The following SLCO1B1 variants were observed in gnomAD, a reference collection of about 807,000 sequenced individuals.
SLCO1B1 encodes OATP-2.
SLCO1B1 carries 81 observed loss-of-function variants against 70.1 expected under a neutral mutation model. The ratio of observed to expected loss-of-function variants is 1.16; its 90% CI spans 0.97 to 1.39. The LOEUF (loss-of-function observed/expected upper bound fraction) is 1.39, where lower values mean the gene tolerates loss of function less well. SLCO1B1 is among the 40% of genes most tolerant of loss of function. SLCO1B1 has a pLI of 0.00. For synonymous variants in SLCO1B1, 283 were observed against 271.5 expected (o/e 1.04, Z -0.42); for missense variants, 895 against 799.6 (o/e 1.12, Z -1.44).
chr12:21,151,638 T>C (rs369640523), intron 2 of SLCO1B1, among the ~76,000 whole-genome samples: 2 of 152,182 alleles, frequency 1.3e-5, no homozygotes, highest in African/African-American at 4.8e-5. Flanking sequence ...GTTTCTGATT[T>C]ATATTATTTT....
chr12:21,197,265 A>C, intron 8 of SLCO1B1, 77 bp downstream of exon 8: 1 of 1,528,362 alleles, frequency 6.5e-7, no homozygotes. Context: ...CCAAAATAAT[A>C]AAGCATACCC....
At chr12:21,179,809 A>G (rs1193947232) in intron 7 of SLCO1B1, among the ~76,000 whole-genome samples, 1 of 151,984 alleles carries the variant, frequency 6.6e-6, no homozygotes, top group Non-Finnish European at 1.5e-5. Flanking sequence ...TCTTTTATTC[A>G]GCAAACACAC....
chr12:21,145,473 ATTTTTTT>A (rs35334634), intron 2 of SLCO1B1, among the ~76,000 whole-genome samples: 2 of 76,102 alleles, frequency 2.6e-5, no homozygotes, highest in Non-Finnish European at 4.5e-5. Flanking sequence ...CATTTTTTTC[ATTTTTTT>A]TTTTTTTTTT....
rs35334634 is a variant in SLCO1B1 at position 21,145,473 on chromosome 12, A to ATTTTTT, written c.84+3836_84+3841dup. Among the ~76,000 whole-genome samples the ATTTTTT allele has an allele frequency of 7.4e-4, 56 of 76,088 alleles. 6 individuals are homozygous for ATTTTTT. The highest frequency in any genetic ancestry group is 9.8e-4 in the Non-Finnish European group (44 of 44,760). 49.9% of individuals were successfully genotyped at this position (76,088 alleles called of 152,430 possible). A position where few individuals can be genotyped will look rare whatever the true frequency, so the allele number is the denominator to read the frequency against. On this transcript the variant is annotated intron_variant, in intron 2 of 14. Coordinates refer to ENST00000256958, the MANE Select transcript of SLCO1B1 (RefSeq NM_006446.5). ...TGCCACTTCACCCAGCATTTTTTTC[A>ATTTTTT]TTTTTTTTTTTTTTTTTTTTTTTTT...
intron 2 of SLCO1B1, among the ~76,000 whole-genome samples, chr12:21,144,582 C>G (rs1940356591): frequency 6.6e-6 from 1 of 151,970 alleles, no homozygotes; most frequent in Non-Finnish European, 1.5e-5. Context: ...AGATACTATA[C>G]AAGATGGTCA....
intron 2 of SLCO1B1, among the ~76,000 whole-genome samples, chr12:21,154,605 C>T (rs761029369): frequency 2.0e-5 from 3 of 151,994 alleles, no homozygotes; most frequent in Non-Finnish European, 4.4e-5. Flanking sequence ...TCTGGATTTT[C>T]AATCTAAAAT....
chr12:21,228,855 C>T (rs1941505137), intron 14 of SLCO1B1, among the ~76,000 whole-genome samples: 1 of 152,136 alleles, frequency 6.6e-6, no homozygotes, highest in East Asian at 1.9e-4. Flanking sequence ...CTCACACACC[C>T]TTTTCTTTCA....
At chr12:21,170,355 G>C (rs887776493) in intron 2 of SLCO1B1, among the ~76,000 whole-genome samples, 1 of 152,086 alleles carries the variant, frequency 6.6e-6, no homozygotes, top group Non-Finnish European at 1.5e-5. Context: ...CCTTGTAATT[G>C]GTTCTGAAGT....
chr12:21,149,462 C>T (rs973236001), intron 2 of SLCO1B1, among the ~76,000 whole-genome samples: 22 of 152,074 alleles, frequency 1.4e-4, no homozygotes, highest in African/African-American at 2.2e-4. Flanking sequence ...AAAAGATCAA[C>T]GCAGAAGGTG....
chr12:21,143,465 A>G (rs1940339876), intron 2 of SLCO1B1, among the ~76,000 whole-genome samples: 1 of 152,098 alleles, frequency 6.6e-6, no homozygotes, highest in South Asian at 2.1e-4. Flanking sequence ...TAATAATAGT[A>G]GCTAACATTT....
At chr12:21,131,803 C>T (rs189430157) in intron 1 of SLCO1B1, among the ~76,000 whole-genome samples, 188 of 151,996 alleles carry the variant, frequency 1.2e-3, no homozygotes, top group African/African-American at 4.3e-3. Context: ...ATTAAATAAG[C>T]AAAAAGTCTT....
Position 21,197,001 on chromosome 12 carries a change from T to G in SLCO1B1, c.783T>G (p.Asn261Lys). 1 of 1,613,738 alleles carries G rather than the reference T, an allele frequency of 6.2e-7. No individual in the cohort carries two copies. The highest frequency in any genetic ancestry group is 8.5e-7 in the Non-Finnish European group (1 of 1,179,692). Reference sequence around the variant, plus strand: ...GATGGGTTGGAGCTTGGTGGCTTAATTTCCTTGTGTCTGGACTATTCTCCA... The same window carrying G: ...GATGGGTTGGAGCTTGGTGGCTTAAGTTCCTTGTGTCTGGACTATTCTCCA... ...DSRWVGAWWL[N>K]FLVSGLFSII... is the part of the protein sequence containing the mutation. The change falls in exon 8 of 15, where the codon AAT becomes AAG. Residue 261 changes from asparagine (N) to lysine (K), a missense_variant. Asn to Lys is a moderately conservative substitution (Grantham distance 94). Transcript: ENST00000256958.
At chr12:21,204,384 T>C (rs937176922) in intron 10 of SLCO1B1, among the ~76,000 whole-genome samples, 1 of 151,980 alleles carries the variant, frequency 6.6e-6, no homozygotes, top group Non-Finnish European at 1.5e-5. Context: ...CTTTTGTGTA[T>C]TAAAATTTTC....
At chr12:21,132,839 A>G (rs535270523) in intron 1 of SLCO1B1, among the ~76,000 whole-genome samples, 5 of 152,084 alleles carry the variant, frequency 3.3e-5, no homozygotes, top group African/African-American at 1.2e-4. Flanking sequence ...TAGTTTAATT[A>G]TATCTCATTT....
At chr12:21,238,678 C>T (rs1043090034) in intron 14 of SLCO1B1, among the ~76,000 whole-genome samples, 8 of 152,030 alleles carry the variant, frequency 5.3e-5, no homozygotes, top group African/African-American at 1.9e-4. Context: ...AAACATACTT[C>T]TCAGTTTCTC....
At chr12:21,162,567 A>G (rs1486339871) in intron 2 of SLCO1B1, among the ~76,000 whole-genome samples, 1 of 152,178 alleles carries the variant, frequency 6.6e-6, no homozygotes, top group Admixed American at 6.6e-5. Context: ...CGTTGCTTCA[A>G]ATGGAGAGAA....
At chr12:21,223,147 C>G (rs1196021700) in intron 13 of SLCO1B1, among the ~76,000 whole-genome samples, 1 of 152,006 alleles carries the variant, frequency 6.6e-6, no homozygotes, top group African/African-American at 2.4e-5. Context: ...AGAAATGAGA[C>G]TATGAGAATG....
At chr12:21,134,618 C>T (rs985267267) in intron 1 of SLCO1B1, among the ~76,000 whole-genome samples, 1 of 152,074 alleles carries the variant, frequency 6.6e-6, no homozygotes, top group Non-Finnish European at 1.5e-5. Context: ...AGTTTATTTG[C>T]CTAGAGGTGT....
chr12:21,161,271 C>T (rs1047234834), intron 2 of SLCO1B1, among the ~76,000 whole-genome samples: 2 of 152,124 alleles, frequency 1.3e-5, no homozygotes, highest in African/African-American at 2.4e-5. Flanking sequence ...AACCTATATG[C>T]CCATCAATGA....
Sources: allele counts gnomAD v4.1 joint callset (sites outside exome capture counted in the v4.1 genomes callset), GRCh38; gene constraint gnomAD v4.1.1; transcripts MANE v1.5; gene names NCBI Gene and HGNC (gene_info 2026-07-23, HGNC 2026-07-21).